The following FREM1 variants were observed in gnomAD, a reference collection of about 807,000 sequenced individuals.
The protein encoded by FREM1 is FRAS1-related extracellular matrix protein 1.
In FREM1, 220 loss-of-function variants were observed where a neutral mutation model predicts 210.1. The observed-to-expected ratio is 1.05, with a 90% CI of 0.94 to 1.17. The LOEUF is 1.17. Ranked by LOEUF, FREM1 falls within the 50% of genes most tolerant of loss-of-function variation. The pLI is 0.00. For synonymous variants in FREM1, 1,189 were observed against 980.2 expected, an observed-to-expected ratio of 1.21 and a Z score of -3.98; for missense variants, 3,454 against 2,675.5, an observed-to-expected ratio of 1.29 and a Z score of -6.42.
At chr9:14,849,817 G>T (rs555443958) in intron 6 of FREM1, among the ~76,000 whole-genome samples, 1 of 152,270 alleles carries the variant, frequency 6.6e-6, no homozygotes, top group South Asian at 2.1e-4. Context: ...TCTGCTTTAA[G>T]AGTACATTAT....
intron 10 of FREM1, among the ~76,000 whole-genome samples, chr9:14,832,657 A>G (rs1447089403): frequency 6.6e-6 from 1 of 152,132 alleles, no homozygotes; most frequent in Non-Finnish European, 1.5e-5. Context: ...TGCTTGATGT[A>G]GAGTTGAGCT....
rs796620454 is a variant in FREM1 at position 14,866,613 on chromosome 9, T to C, written c.234+2131A>G. On this transcript the variant is annotated intron_variant, in intron 2 of 36. Coordinates refer to ENST00000380880, the MANE Select transcript of FREM1 (RefSeq NM_001379081.2). ...GAAGACAGCTTAGACAGCTTGCTCC[T>C]GCGAGCTACCAGTGGGAATTTTCCT... 3.3e-5 allele frequency among the ~76,000 whole-genome samples: 5 copies of C among 152,228 alleles called. No homozygotes were observed. The South Asian group carries it at 1.0e-3, about 31-fold the overall frequency.
At chr9:14,803,344 C>T (rs1371488428) in intron 19 of FREM1, among the ~76,000 whole-genome samples, 1 of 143,088 alleles carries the variant, frequency 7.0e-6, no homozygotes, top group African/African-American at 2.6e-5. Context: ...CCTCCTCCTT[C>T]CTTCCTTTCT....
chr9:14,806,608 C>G (rs1213843956), intron 18 of FREM1, 53 bp downstream of exon 18: 2 of 1,071,780 alleles, frequency 1.9e-6, no homozygotes, highest in Non-Finnish European at 2.8e-6. Flanking sequence ...TGGCCAATCG[C>G]TTCCATAAAT....
intron 1 of FREM1, among the ~76,000 whole-genome samples, chr9:14,879,872 T>C (rs2065482): frequency 6.6e-6 from 1 of 151,924 alleles, no homozygotes; most frequent in African/African-American, 2.4e-5. Context: ...TGTTGGTAGG[T>C]ACAATATGAT....
At chr9:14,876,231 C>T (rs1833705733) in intron 1 of FREM1, among the ~76,000 whole-genome samples, 1 of 152,090 alleles carries the variant, frequency 6.6e-6, no homozygotes, top group Non-Finnish European at 1.5e-5. Context: ...ACATTTAAGT[C>T]TGCAGAGGTT....
chr9:14,829,209 G>A (rs1823075617), intron 10 of FREM1, among the ~76,000 whole-genome samples: 1 of 152,154 alleles, frequency 6.6e-6, no homozygotes, highest in Admixed American at 6.5e-5. Context: ...ACACTTACAG[G>A]TTGGTATCAT....
At chr9:14,828,743 T>C (rs191415751) in intron 10 of FREM1, among the ~76,000 whole-genome samples, 4 of 152,192 alleles carry the variant, frequency 2.6e-5, no homozygotes, top group African/African-American at 7.2e-5. Flanking sequence ...TATCCCGTTA[T>C]AGCAGATTAA....
Position 14,776,364 on chromosome 9 carries a change from C to G in FREM1, c.4443-161G>C, listed in dbSNP as rs935387897. 22 of 716,210 alleles carry G rather than the reference C, an allele frequency of 3.1e-5. No homozygotes were observed. The South Asian group carries it at 3.9e-4, about 13-fold the overall frequency. The allele number at this position is 716,210 out of a possible 1,614,324, so 44.4% of individuals were successfully genotyped here. On this transcript the variant is annotated intron_variant, in intron 24 of 36. Transcript: ENST00000380880. Reference sequence around the variant, plus strand: ...TTGCAGAAAAATCCCTATCATTAAACCAGTCACTAGAGTAATGCATAAATG... The same window carrying G: ...TTGCAGAAAAATCCCTATCATTAAAGCAGTCACTAGAGTAATGCATAAATG...
intron 1 of FREM1, among the ~76,000 whole-genome samples, chr9:14,896,427 C>T (rs1837729109): frequency 6.6e-6 from 1 of 151,652 alleles, no homozygotes; most frequent in Non-Finnish European, 1.5e-5. Flanking sequence ...ACCTGTAATC[C>T]CAGCTACTCA....
At chr9:14,860,312 C>T (rs192710631) in intron 3 of FREM1, among the ~76,000 whole-genome samples, 23 of 151,908 alleles carry the variant, frequency 1.5e-4, no homozygotes, top group Admixed American at 1.3e-3. Context: ...AACAAACATG[C>T]TCCCTGTTTT....
At chr9:14,750,898 G>A (rs1294111185) in intron 29 of FREM1, among the ~76,000 whole-genome samples, 1 of 152,088 alleles carries the variant, frequency 6.6e-6, no homozygotes, top group Non-Finnish European at 1.5e-5. Flanking sequence ...CTTTCTGGCT[G>A]CCTCTATTCA....
At position 14,859,985 on chromosome 9, in the gene FREM1, C is replaced by A. The variant is rs557988380; in HGVS notation, c.330-501G>T. On this transcript the variant is annotated intron_variant, in intron 3 of 36. Coordinates refer to ENST00000380880, the MANE Select transcript of FREM1 (RefSeq NM_001379081.2). ...TAAAAAGCATATTCAGCAATTGCCA[C>A]TTCCATTCCCTCCATCCACTTAGCA... Among the ~76,000 whole-genome samples the A allele has an allele frequency of 5.9e-5, 9 of 152,284 alleles. No individual in the cohort carries two copies. The East Asian group carries it at 1.7e-3, about 29-fold the overall frequency.
chr9:14,760,767 C>G (rs984172609), intron 27 of FREM1, among the ~76,000 whole-genome samples: 1 of 152,190 alleles, frequency 6.6e-6, no homozygotes, highest in African/African-American at 2.4e-5. Context: ...CTCTCCCCAA[C>G]TGAAGTTCTT....
At chr9:14,757,747 T>C (rs1245539949) in intron 28 of FREM1, among the ~76,000 whole-genome samples, 3 of 152,232 alleles carry the variant, frequency 2.0e-5, no homozygotes, top group Non-Finnish European at 4.4e-5. Context: ...TTCCTACTTC[T>C]ATGGCCTCAG....
At position 14,882,764 on chromosome 9, in the gene FREM1, C is replaced by G. The variant is rs960556643; in HGVS notation, c.-267-13520G>C. ...GAACCACTGCACCTGGCCATGGATT[C>G]TAATCCTGATTTTTATGAACATACT... On this transcript the variant is annotated intron_variant, in intron 1 of 36. Coordinates refer to ENST00000380880, the MANE Select transcript of FREM1 (RefSeq NM_001379081.2). 2.6e-5 allele frequency among the ~76,000 whole-genome samples: 4 copies of G among 151,532 alleles called. No homozygotes were observed. In the South Asian group the frequency reaches 8.4e-4, roughly 32 times the overall value.
chr9:14,783,066 G>C (rs1849876897), intron 24 of FREM1, among the ~76,000 whole-genome samples: 1 of 152,254 alleles, frequency 6.6e-6, no homozygotes, highest in Non-Finnish European at 1.5e-5. Flanking sequence ...TTAAAATATT[G>C]ATCAATTAAA....
chr9:14,816,857 C>G lies in FREM1; in HGVS notation c.2561G>C (p.Gly854Ala), dbSNP rs1033051643. The stretch of plus-strand genomic sequence containing the variant: ...TAGGTCATCCTGAAGAACTTCAGTT[C>G]CATCATGTTGATACCTGTGGGGATA... Reference protein sequence around the residue: ...HTLKVRYQHDGTEVLQDDLLL... With the variant: ...HTLKVRYQHDATEVLQDDLLL... The change falls in exon 15 of 37, where the codon GGA (glycine) becomes GCA (alanine). Residue 854 changes from glycine (G) to alanine (A), a missense_variant. Gly to Ala is a moderately conservative substitution (Grantham distance 60). Transcript: ENST00000380880. The G allele has an allele frequency of 2.9e-6, 4 of 1,398,218 alleles. No homozygotes were observed. The African/African-American group carries it at 4.2e-5, about 15-fold the overall frequency. The allele number at this position is 1,398,218 out of a possible 1,614,324, so 86.6% of individuals were successfully genotyped here. A position where few individuals can be genotyped will look rare whatever the true frequency, so the allele number is the denominator to read the frequency against.
chr9:14,804,993 T>C lies in FREM1; in HGVS notation c.3434A>G (p.Asn1145Ser), dbSNP rs1818091028. 6.2e-7 allele frequency: 1 copy of C among 1,613,400 alleles called. No homozygotes were observed. Among genetic ancestry groups the C allele is most frequent in the Non-Finnish European group, 8.5e-7 (1 of 1,179,384 alleles). ...IPFSIIINPT[N>S]DEAPDFVVQN... ...CACTACAAAGTCAGGAGCTTCATCA[T>C]TTGTGGGGTTGATTATAATAGAAAA... is the stretch of plus-strand genomic sequence containing the variant. Residue 1145 changes from asparagine (N) to serine (S), a missense_variant, in exon 19 of 37, where the codon AAT (asparagine) becomes AGT (serine). Asn to Ser is a conservative substitution (Grantham distance 46). Coordinates refer to ENST00000380880, the MANE Select transcript of FREM1 (RefSeq NM_001379081.2).
Sources: gnomAD v4.1 joint callset for allele counts (sites outside exome capture counted in the v4.1 genomes callset) on GRCh38, gnomAD v4.1.1 for gene constraint, MANE v1.5 for transcripts, NCBI Gene and HGNC (gene_info 2026-07-23, HGNC 2026-07-21) for gene names.